Variants in SLC9C2 observed in about 807,000 individuals in gnomAD.
The protein encoded by SLC9C2 is sodium/hydrogen exchanger 11.
Under a neutral mutation model 140.2 loss-of-function variants are expected in SLC9C2, and 75 were observed. The observed-to-expected ratio is 0.53, with a 90% CI of 0.44 to 0.65. The LOEUF is 0.65. Ranked by LOEUF, SLC9C2 falls within the 30% of genes least tolerant of loss-of-function variation. The pLI is 0.00. For missense variants in SLC9C2, 1,074 were observed against 1,331.8 expected (o/e 0.81, Z 3.01); for synonymous variants, 375 against 420.9 (o/e 0.89, Z 1.34).
chr1:173,541,513 T>G (rs557521406), intron 13 of SLC9C2, among the ~76,000 whole-genome samples: 61 of 152,304 alleles, frequency 4.0e-4, no homozygotes, highest in Non-Finnish European at 1.8e-4. Context: ...GTGGACCTAA[T>G]AGACATCTAC....
Position 173,597,958 on chromosome 1 carries a change from T to C in SLC9C2, c.303A>G (p.Ile101Met). The C allele has an allele frequency of 6.3e-7, 1 of 1,598,318 alleles. No homozygotes were observed. ...ATTCTACATCCAAAGCAACCATAAA[T>C]ATAATTAAAGGTGAAAAGTAAGAAT... The part of the protein sequence containing the change: ...SLYSYFSPLI[I>M]FMVALDVEFY... Residue 101 changes from isoleucine (I) to methionine (M), a missense_variant, in exon 4 of 28, where the codon ATA becomes ATG. Physicochemically the swap from Ile to Met is conservative, Grantham distance 10. Coordinates refer to ENST00000367714, the MANE Select transcript of SLC9C2 (RefSeq NM_178527.4).
At chr1:173,550,898 G>T (rs1045487041) in intron 11 of SLC9C2, among the ~76,000 whole-genome samples, 1 of 108,040 alleles carries the variant, frequency 9.3e-6, no homozygotes, top group Non-Finnish European at 2.0e-5. Flanking sequence ...GAGAGAGAGA[G>T]AGAGAGAGAG....
At chr1:173,550,697 A>G (rs1426836540) in intron 11 of SLC9C2, among the ~76,000 whole-genome samples, 9 of 151,668 alleles carry the variant, frequency 5.9e-5, no homozygotes, top group Non-Finnish European at 1.0e-4. Context: ...TTGGCCTTCC[A>G]AAGTGTTGAG....
chr1:173,550,953 A>G (rs1367719360), intron 11 of SLC9C2, among the ~76,000 whole-genome samples: 1 of 147,456 alleles, frequency 6.8e-6, no homozygotes, highest in East Asian at 1.9e-4. Flanking sequence ...GAGGGGAGCA[A>G]GTCCATAACT....
chr1:173,591,393 G>A (rs144237750), intron 4 of SLC9C2, among the ~76,000 whole-genome samples: 4 of 152,022 alleles, frequency 2.6e-5, no homozygotes, highest in Admixed American at 2.0e-4. Context: ...TATATATCCC[G>A]TAATGGGATT....
chr1:173,600,250 A>G (rs1370606198), intron 2 of SLC9C2, 33 bp from the exon 3 acceptor site: 1 of 1,486,744 alleles, frequency 6.7e-7, no homozygotes. Flanking sequence ...TTGCATGAGT[A>G]CTCGAAGTAC....
intron 9 of SLC9C2, among the ~76,000 whole-genome samples, chr1:173,572,713 A>G (rs968025310): frequency 2.0e-5 from 3 of 152,246 alleles, no homozygotes; most frequent in Non-Finnish European, 2.9e-5. Flanking sequence ...CATACAGTAC[A>G]TGGTAACTGC....
chr1:173,564,969 T>A (rs1197249966), intron 9 of SLC9C2, among the ~76,000 whole-genome samples: 1 of 68,362 alleles, frequency 1.5e-5, no homozygotes, highest in Non-Finnish European at 2.8e-5. Flanking sequence ...TTTCTTTTTC[T>A]TTTTTTTTTT....
At chr1:173,588,687 CTA>C (rs1558094432) in intron 4 of SLC9C2, among the ~76,000 whole-genome samples, 2 of 151,882 alleles carry the variant, frequency 1.3e-5, no homozygotes, top group South Asian at 2.1e-4. Flanking sequence ...TGGAATTGTT[CTA>C]TGTTTGTGGG....
Position 173,520,910 on chromosome 1 carries a change from C to T in SLC9C2, c.2739+391G>A, listed in dbSNP as rs111239077. Reference sequence around the variant, plus strand: ...CCCATCACTCTACTGAAATCTCTCTCCCTCTCTCTCTCTCTGTCTCTCTCT... The same window carrying T: ...CCCATCACTCTACTGAAATCTCTCTTCCTCTCTCTCTCTCTGTCTCTCTCT... On this transcript the variant is annotated intron_variant, in intron 22 of 27. Transcript: ENST00000367714. 1.4e-3 allele frequency among the ~76,000 whole-genome samples: 220 copies of T among 152,270 alleles called. 1 individual carries two copies. The highest frequency in any genetic ancestry group is 5.1e-3 in the African/African-American group (212 of 41,552).
At chr1:173,561,366 G>A (rs568932581) in intron 9 of SLC9C2, among the ~76,000 whole-genome samples, 22 of 152,254 alleles carry the variant, frequency 1.4e-4, no homozygotes, top group Non-Finnish European at 2.9e-4. Context: ...TGAAAAAAAT[G>A]TACCATATTG....
intron 9 of SLC9C2, among the ~76,000 whole-genome samples, chr1:173,565,777 G>A (rs1460143733): frequency 1.3e-5 from 2 of 152,154 alleles, no homozygotes; most frequent in East Asian, 3.9e-4. Flanking sequence ...AGGTTGCATT[G>A]AATCTCTAGA....
At chr1:173,555,003 G>A (rs1663572721) in intron 10 of SLC9C2, among the ~76,000 whole-genome samples, 189 bp from the exon 11 acceptor site, 1 of 152,162 alleles carries the variant, frequency 6.6e-6, no homozygotes. Flanking sequence ...ACTACACTGG[G>A]GCAGACATTA....
chr1:173,600,427 C>T (rs948787933), intron 2 of SLC9C2, among the ~76,000 whole-genome samples: 3 of 151,542 alleles, frequency 2.0e-5, no homozygotes, highest in Non-Finnish European at 2.9e-5. Context: ...CTGTTTTTCA[C>T]GTTTAGTACA....
intron 10 of SLC9C2, 36 bp downstream of exon 10, chr1:173,557,304 T>A (rs1301660600): frequency 6.4e-7 from 1 of 1,573,482 alleles, no homozygotes; most frequent in East Asian, 2.2e-5. Flanking sequence ...GTAAAAATGA[T>A]AAATATGAAT....
At chr1:173,566,435 C>T (rs972452317) in intron 9 of SLC9C2, among the ~76,000 whole-genome samples, 10 of 151,918 alleles carry the variant, frequency 6.6e-5, no homozygotes, top group Non-Finnish European at 1.5e-4. Context: ...AGGAATTTGT[C>T]CATTTCTTCT....
intron 27 of SLC9C2, 142 bp downstream of exon 27, chr1:173,503,124 A>G: frequency 1.7e-6 from 1 of 577,010 alleles, no homozygotes; most frequent in Non-Finnish European, 3.0e-6. Flanking sequence ...GGTTTATTCT[A>G]ATTTGTCCAA....
chr1:173,586,726 G>A (rs905814714), intron 5 of SLC9C2, among the ~76,000 whole-genome samples: 1 of 152,158 alleles, frequency 6.6e-6, no homozygotes, highest in African/African-American at 2.4e-5. Context: ...CATGTCCTTT[G>A]CAGGGACATG....
intron 4 of SLC9C2, among the ~76,000 whole-genome samples, chr1:173,595,273 T>C (rs568308719): frequency 6.6e-6 from 1 of 152,218 alleles, no homozygotes; most frequent in South Asian, 2.1e-4. Flanking sequence ...TGTTCAATCA[T>C]ATGTAGTGCC....
Sources: allele counts gnomAD v4.1 joint callset (sites outside exome capture counted in the v4.1 genomes callset), GRCh38; gene constraint gnomAD v4.1.1; transcripts MANE v1.5; gene names NCBI Gene and HGNC (gene_info 2026-07-23, HGNC 2026-07-21).